DCST1: variants seen among roughly 807,000 people sequenced by gnomAD.
DCST1 encodes the protein DC-STAMP domain containing 1.
A neutral mutation model predicts 89.1 loss-of-function variants in DCST1; 78 were observed. The observed-to-expected ratio is 0.88, with a 90% CI of 0.73 to 1.06. DCST1 has a LOEUF of 1.06. Ranked by LOEUF, DCST1 falls within the 50% of genes least tolerant of loss-of-function variation. The pLI is 0.00. For synonymous variants in DCST1, 364 were observed against 371.9 expected (o/e 0.98, Z 0.24); for missense variants, 900 against 928.6 (o/e 0.97, Z 0.40).
chr1:155,046,102 C>G, intron 11 of DCST1, 23 bp from the exon 12 acceptor site: 3 of 1,614,176 alleles, frequency 1.9e-6, no homozygotes, highest in Non-Finnish European at 2.5e-6. Flanking sequence ...GGCTTCCTAA[C>G]TGTGTGGACA....
At chr1:155,042,254 A>T (rs886375879) in intron 8 of DCST1, among the ~76,000 whole-genome samples, 4 of 152,018 alleles carry the variant, frequency 2.6e-5, no homozygotes, top group African/African-American at 9.7e-5. Flanking sequence ...GGCCGCCACC[A>T]TGCCCAGCTA....
chr1:155,043,245 G>GC lies in DCST1; in HGVS notation c.1015-103dup, dbSNP rs1278707585. On this transcript the variant is annotated intron_variant, in intron 9 of 16. Coordinates refer to ENST00000295542, the MANE Select transcript of DCST1 (RefSeq NM_152494.4). ...GACAACTCCTAGAGGTCCTGGGAGG[G>GC]CCCCAGGGACACAAGTGGGGTACTG... 9 of 1,517,526 alleles carry GC rather than the reference G, an allele frequency of 5.9e-6. No homozygotes were observed. In the African/African-American group the frequency reaches 1.1e-4, roughly 18 times the overall value. The allele number at this position is 1,517,526 out of a possible 1,614,324, so 94.0% of individuals were successfully genotyped here. A position where few individuals can be genotyped will look rare whatever the true frequency, so the allele number is the denominator to read the frequency against.
intron 16 of DCST1, among the ~76,000 whole-genome samples, chr1:155,050,321 C>T (rs191411289): frequency 1.3e-5 from 2 of 152,366 alleles, no homozygotes; most frequent in East Asian, 3.9e-4. Flanking sequence ...TCGATCTGGC[C>T]TGCTCACTTC....
chr1:155,037,070 G>C (rs1056980176), intron 4 of DCST1, among the ~76,000 whole-genome samples: 9 of 152,262 alleles, frequency 5.9e-5, no homozygotes, highest in African/African-American at 1.9e-4. Context: ...ATCAAAAGCA[G>C]AGCACCTTAT....
intron 16 of DCST1, among the ~76,000 whole-genome samples, chr1:155,049,563 C>T (rs914100931): frequency 6.6e-6 from 1 of 152,096 alleles, no homozygotes. Flanking sequence ...TACAGGCACA[C>T]ACTACCACGC....
In DCST1 at chr1:155,041,812, C is replaced by T; in HGVS notation, c.847C>T (p.Leu283Phe). 6.2e-7 allele frequency: 1 copy of T among 1,614,250 alleles called. No homozygotes were observed. The highest frequency in any genetic ancestry group is 8.5e-7 in the Non-Finnish European group (1 of 1,180,046). The change falls in exon 8 of 17, where the codon CTC becomes TTC. Residue 283 changes from leucine to phenylalanine, a missense_variant. By Grantham distance (22) the Leu-to-Phe change is conservative (BLOSUM62 0). Coordinates refer to ENST00000295542, the MANE Select transcript of DCST1 (RefSeq NM_152494.4). ...HIWVPLLTHL[L>F]CLPMKFKFFC... The stretch of plus-strand genomic sequence containing the variant: ...CTGGGTCCCACTCCTCACCCACCTG[C>T]TCTGCCTGCCTATGAAGTTCAAGTT...
rs1169303131 is a variant in DCST1 at position 155,050,757 on chromosome 1, C to T, written c.2010C>T (p.Cys670=). 3.1e-6 allele frequency: 5 copies of T among 1,611,352 alleles called. No individual in the cohort carries two copies. The highest frequency in any genetic ancestry group is 4.2e-6 in the Non-Finnish European group (5 of 1,179,080). The part of the protein sequence containing the change: ...CRTLDCEAVY[C]WSCWDDMRQR... ...CGCTGGACTGCGAGGCCGTGTACTG[C>T]TGGTCGTGCTGGGACGACATGCGGC... is the stretch of plus-strand genomic sequence containing the variant. The change falls in exon 17 of 17, where the codon TGC becomes TGT. Residue 670 remains cysteine, a synonymous_variant. Transcript: ENST00000295542.
In DCST1 at chr1:155,050,823, C is replaced by A; in HGVS notation, c.2076C>A (p.Ser692=). Reference sequence around the variant, plus strand: ...GCACGCCCCGCGAAGAGCTCTCTTCCTCCGCCTTTAGTGACAGCAACGACG... The same window carrying A: ...GCACGCCCCGCGAAGAGCTCTCTTCATCCGCCTTTAGTGACAGCAACGACG... ...PVCTPREELS[S]SAFSDSNDDT... The change falls in exon 17 of 17, where the codon TCC becomes TCA. Residue 692 remains serine, a synonymous_variant. Transcript: ENST00000295542. The A allele has an allele frequency of 6.2e-7, 1 of 1,612,940 alleles. No homozygotes were observed. Among genetic ancestry groups the A allele is most frequent in the South Asian group, 1.1e-5 (1 of 91,002 alleles).
chr1:155,041,728 G>T lies in DCST1; in HGVS notation c.763G>T (p.Ala255Ser), dbSNP rs772136464. 3.3e-5 allele frequency: 53 copies of T among 1,614,196 alleles called. No individual in the cohort carries two copies. The highest frequency in any genetic ancestry group is 4.4e-5 in the Non-Finnish European group (52 of 1,180,026). Residue 255 changes from alanine to serine, a missense_variant, in exon 8 of 17, where the codon GCC (alanine) becomes TCC (serine). Ala to Ser is a moderately conservative substitution (Grantham distance 99). Coordinates refer to ENST00000295542, the MANE Select transcript of DCST1 (RefSeq NM_152494.4). ...KLRCSYVVNQ[A>S]ILSCRRWFDR... Reference sequence around the variant, plus strand: ...CCTTCCTACAGATGTGGTGAACCAGGCCATACTCAGCTGCCGTCGTTGGTT... The same window carrying T: ...CCTTCCTACAGATGTGGTGAACCAGTCCATACTCAGCTGCCGTCGTTGGTT...
At chr1:155,037,901 G>C (rs534902984) in intron 4 of DCST1, among the ~76,000 whole-genome samples, 1 of 152,378 alleles carries the variant, frequency 6.6e-6, no homozygotes, top group East Asian at 1.9e-4. Flanking sequence ...TCTTTGGCCA[G>C]AAGGCCAAGA....
chr1:155,050,702 C>T lies in DCST1; in HGVS notation c.1955C>T (p.Pro652Leu), dbSNP rs770372831. Residue 652 changes from proline to leucine, a missense_variant, in exon 17 of 17, where the codon CCC becomes CTC. Transcript: ENST00000295542. ...CGGCGCTGCGTGGTGTGCCAGGCAC[C>T]CGAGACGCCCGAGTCCTACGTGTGC... ...LCRRCVVCQA[P>L]ETPESYVCRT... 1 of 1,606,498 alleles carries T rather than the reference C, an allele frequency of 6.2e-7. No individual in the cohort carries two copies. Among genetic ancestry groups the T allele is most frequent in the Non-Finnish European group, 8.5e-7 (1 of 1,177,488 alleles).
chr1:155,046,076 G>C (rs749301982), intron 11 of DCST1, 49 bp from the exon 12 acceptor site: 9 of 1,613,938 alleles, frequency 5.6e-6, no homozygotes, highest in Non-Finnish European at 7.6e-6. Context: ...AGAGAGGAAA[G>C]GGCAGAGGGC....
intron 4 of DCST1, among the ~76,000 whole-genome samples, chr1:155,037,438 CTTTTTTTTTTTT>C (rs781136167): frequency 7.9e-6 from 1 of 125,832 alleles, no homozygotes; most frequent in Non-Finnish European, 1.7e-5. Context: ...CATTGTTGGT[CTTTTTTTTTTTT>C]TTTTTTTTTT....
At chr1:155,041,894 T>C (rs755918789) in intron 8 of DCST1, 37 bp downstream of exon 8, 3 of 1,612,380 alleles carry the variant, frequency 1.9e-6, no homozygotes, top group Non-Finnish European at 2.5e-6. Context: ...AGCATCGGGG[T>C]AGGGAGCTGA....
In DCST1 at chr1:155,047,850, G is replaced by A; in HGVS notation, c.1676G>A (p.Gly559Asp). 1 of 1,614,178 alleles carries A rather than the reference G, an allele frequency of 6.2e-7. No homozygotes were observed. The highest frequency in any genetic ancestry group is 8.5e-7 in the Non-Finnish European group (1 of 1,180,032). Reference protein sequence around the residue: ...RAYWRAAVPIGLLVCLCLLQA... With the variant: ...RAYWRAAVPIDLLVCLCLLQA... ...TACTGGAGAGCTGCAGTACCGATTG[G>A]CCTGTTAGTGTGTCTCTGCCTGTTA... Residue 559 changes from glycine to aspartate, a missense_variant, in exon 15 of 17, where the codon GGC becomes GAC. By Grantham distance (94) the Gly-to-Asp change is moderately conservative. Coordinates refer to ENST00000295542, the MANE Select transcript of DCST1 (RefSeq NM_152494.4).
rs1660916872 is a variant in DCST1, at chr1:155,050,789, G to C, written c.2042G>C (p.Cys681Ser). The stretch of plus-strand genomic sequence containing the variant: ...TGCTGGGACGACATGCGGCAGCGGT[G>C]CCCGGTCTGCACGCCCCGCGAAGAG... ...WSCWDDMRQR[C>S]PVCTPREELS... The change falls in exon 17 of 17, where the codon TGC becomes TCC. Residue 681 changes from cysteine (C) to serine (S), a missense_variant. Coordinates refer to ENST00000295542, the MANE Select transcript of DCST1 (RefSeq NM_152494.4). 1 of 1,611,496 alleles carries C rather than the reference G, an allele frequency of 6.2e-7. No individual in the cohort carries two copies. The highest frequency in any genetic ancestry group is 1.3e-5 in the African/African-American group (1 of 74,872).
At chr1:155,046,744 T>C (rs1660652265) in intron 13 of DCST1, among the ~76,000 whole-genome samples, 1 of 151,976 alleles carries the variant, frequency 6.6e-6, no homozygotes, top group South Asian at 2.1e-4. Context: ...TAGCTGAGAT[T>C]ACAGGTGTGA....
rs745480814 is a variant in DCST1, at chr1:155,050,884, G to C, written c.*16G>C. On this transcript the variant is annotated 3_prime_UTR_variant, in exon 17 of 17. Transcript: ENST00000295542. ...CGCGGGGTGAAGAGGCGTCCTGCTCGCTCTTCCGCACCGTCCTTCCCGGTT... is the reference window on the plus strand; with the variant it reads ...CGCGGGGTGAAGAGGCGTCCTGCTCCCTCTTCCGCACCGTCCTTCCCGGTT... The C allele has an allele frequency of 1.2e-6, 2 of 1,605,268 alleles. No individual in the cohort carries two copies. The highest frequency in any genetic ancestry group is 1.7e-5 in the Admixed American group (1 of 59,850).
intron 5 of DCST1, among the ~76,000 whole-genome samples, chr1:155,040,233 G>A (rs1660397973): frequency 6.6e-6 from 1 of 150,602 alleles, no homozygotes; most frequent in African/African-American, 2.5e-5. Flanking sequence ...AGCCCGGGAG[G>A]CGGAGGTTGC....
Sources: gnomAD v4.1 joint callset for allele counts (sites outside exome capture counted in the v4.1 genomes callset) on GRCh38, gnomAD v4.1.1 for gene constraint, MANE v1.5 for transcripts, NCBI Gene and HGNC (gene_info 2026-07-23, HGNC 2026-07-21) for gene names.